The following TFAP2C variants were observed in gnomAD, a reference collection of about 807,000 sequenced individuals.
TFAP2C encodes the protein activating enhancer-binding protein 2 gamma.
A neutral mutation model predicts 42.9 loss-of-function variants in TFAP2C; 9 were observed. That is an observed-to-expected ratio of 0.21 (90% CI 0.13 to 0.37). The LOEUF is 0.37. TFAP2C is among the 10% of genes least tolerant of loss of function. The probability of loss-of-function intolerance (pLI) is 1.00; values close to 1 mark genes in which losing one functional copy is unlikely to be tolerated. For synonymous variants in TFAP2C, 264 were observed against 256.0 expected (o/e 1.03, Z -0.30); for missense variants, 462 against 591.7 (o/e 0.78, Z 2.27).
rs767008912 is a variant in TFAP2C at position 56,631,217 on chromosome 20, G to T, written c.61G>T (p.Gly21Trp). 1 of 1,530,870 alleles carries T rather than the reference G, an allele frequency of 6.5e-7. No homozygotes were observed. Among genetic ancestry groups the T allele is most frequent in the Non-Finnish European group, 8.8e-7 (1 of 1,140,550 alleles). 94.8% of individuals were successfully genotyped at this position (1,530,870 alleles called of 1,614,324 possible). A position where few individuals can be genotyped will look rare whatever the true frequency, so the allele number is the denominator to read the frequency against. The change falls in exon 2 of 7, where the codon GGG becomes TGG. Residue 21 changes from glycine to tryptophan, a missense_variant. Around this residue, in one of 5 missense-constraint regions of TFAP2C, gnomAD observed 271 missense variants for 269.7 expected, o/e 1.00. Transcript: ENST00000201031. The surrounding 1 kb of genome is among the most constrained non-coding windows in gnomAD (Gnocchi z 6.1). The part of the protein sequence containing the change: ...YEEDCEDRHD[G>W]SSNGNPRVPH... ...TTTTTCCCTCCAGGATCGCCACGACGGGAGCAGCAATGGGAATCCGCGGGT... is the reference window on the plus strand; with the variant it reads ...TTTTTCCCTCCAGGATCGCCACGACTGGAGCAGCAATGGGAATCCGCGGGT...
At position 56,631,251 on chromosome 20, in the gene TFAP2C, TCTC is replaced by T. The variant is rs1432841059; in HGVS notation, c.100_102del (p.Ser34del). On this transcript the variant is annotated inframe_deletion, in exon 2 of 7. Transcript: ENST00000201031. This position sits in a 1 kb window ranked among gnomAD's most constrained non-coding sequence, Gnocchi z 6.1. ...AATGGGAATCCGCGGGTCCCCCACC[TCTC>T]CTCCGCCGGGCAGCACCTCTACAGC... 1.3e-5 allele frequency: 21 copies of T among 1,572,996 alleles called. No individual in the cohort carries two copies. The highest frequency in any genetic ancestry group is 1.5e-5 in the Non-Finnish European group (18 of 1,161,844).
rs1219944328 is a variant in TFAP2C, at chr20:56,629,334, C to G, written c.-211C>G. 3 of 404,960 alleles carry G rather than the reference C, an allele frequency of 7.4e-6. No homozygotes were observed. Among genetic ancestry groups the G allele is most frequent in the African/African-American group, 6.2e-5 (3 of 48,644 alleles). The allele number at this position is 404,960 out of a possible 1,614,324, so 25.1% of individuals were successfully genotyped here. ...ACACACTGTTCGGGCGCGGCTTTCCCCGTCCGCGGAGCGGTCTTGACACTC... is the reference window on the plus strand; with the variant it reads ...ACACACTGTTCGGGCGCGGCTTTCCGCGTCCGCGGAGCGGTCTTGACACTC... On this transcript the variant is annotated 5_prime_UTR_variant, in exon 1 of 7. Transcript: ENST00000201031. The surrounding 1 kb of genome is among the most constrained non-coding windows in gnomAD (Gnocchi z 5.9).
chr20:56,631,626 A>G lies in TFAP2C; in HGVS notation c.470A>G (p.Asp157Gly). 1 of 1,576,008 alleles carries G rather than the reference A, an allele frequency of 6.3e-7. No individual in the cohort carries two copies. The highest frequency in any genetic ancestry group is 8.6e-7 in the Non-Finnish European group (1 of 1,167,748). ...DLLLPHAHAL[D>G]AAGLAENLGL... is the part of the protein sequence containing the mutation. The stretch of plus-strand genomic sequence containing the variant: ...CTGCTGCCCCACGCACACGCCCTGG[A>G]TGCCGCGGGCCTGGCCGAGAACCTG... The change falls in exon 2 of 7, where the codon GAT (aspartate) becomes GGT (glycine). Residue 157 changes from aspartate to glycine, a missense_variant. Transcript: ENST00000201031. The surrounding 1 kb of genome is among the most constrained non-coding windows in gnomAD (Gnocchi z 6.1).
chr20:56,634,145 C>T lies in TFAP2C; in HGVS notation c.804-5C>T, dbSNP rs748530593. The T allele has an allele frequency of 6.2e-7, 1 of 1,606,262 alleles. No homozygotes were observed. Among genetic ancestry groups the T allele is most frequent in the South Asian group, 1.1e-5 (1 of 90,736 alleles). On this transcript the variant is annotated splice_polypyrimidine_tract_variant and splice_region_variant and intron_variant, in intron 4 of 6. Coordinates refer to ENST00000201031, the MANE Select transcript of TFAP2C (RefSeq NM_003222.4). ...GTAGCCAGAGTCAATTTTTCTTTTTCTTAGAGCCAAATCGAAAAATGGAGG... is the reference window on the plus strand; with the variant it reads ...GTAGCCAGAGTCAATTTTTCTTTTTTTTAGAGCCAAATCGAAAAATGGAGG...
chr20:56,629,693 C>T lies in TFAP2C; in HGVS notation c.48+101C>T, dbSNP rs1266820214. 3 of 920,892 alleles carry T rather than the reference C, an allele frequency of 3.3e-6. No homozygotes were observed. Among genetic ancestry groups the T allele is most frequent in the Non-Finnish European group, 4.4e-6 (3 of 674,886 alleles). The allele number at this position is 920,892 out of a possible 1,614,324, so 57.0% of individuals were successfully genotyped here. A position where few individuals can be genotyped will look rare whatever the true frequency, so the allele number is the denominator to read the frequency against. ...GGGGACGAGGGCATAGGAGCCCTGG[C>T]CTCTCGGTGGGACGGGATCCACTTC... On this transcript the variant is annotated intron_variant, in intron 1 of 6. Coordinates refer to ENST00000201031, the MANE Select transcript of TFAP2C (RefSeq NM_003222.4). The surrounding 1 kb of genome is among the most constrained non-coding windows in gnomAD (Gnocchi z 5.9).
rs947977699 is a variant in TFAP2C, at chr20:56,629,346, C to T, written c.-199C>T. The T allele has an allele frequency of 1.7e-5, 7 of 411,480 alleles. No homozygotes were observed. The highest frequency in any genetic ancestry group is 1.2e-4 in the African/African-American group (6 of 48,800). The allele number at this position is 411,480 out of a possible 1,614,324, so 25.5% of individuals were successfully genotyped here. On this transcript the variant is annotated 5_prime_UTR_variant, in exon 1 of 7. Coordinates refer to ENST00000201031, the MANE Select transcript of TFAP2C (RefSeq NM_003222.4). The surrounding 1 kb of genome is among the most constrained non-coding windows in gnomAD (Gnocchi z 5.9). Reference sequence around the variant, plus strand: ...GGCGCGGCTTTCCCCGTCCGCGGAGCGGTCTTGACACTCGCGGCGGCAGCA... The same window carrying T: ...GGCGCGGCTTTCCCCGTCCGCGGAGTGGTCTTGACACTCGCGGCGGCAGCA...
chr20:56,632,054 C>T (rs1987503581), intron 3 of TFAP2C, among the ~76,000 whole-genome samples, 198 bp downstream of exon 3: 1 of 152,218 alleles, frequency 6.6e-6, no homozygotes, highest in Non-Finnish European at 1.5e-5. Context: ...CTCTTCATCT[C>T]CGGAGTTGTT....
chr20:56,631,411 C>A lies in TFAP2C; in HGVS notation c.255C>A (p.Ala85=), dbSNP rs375808345. The change falls in exon 2 of 7, where the codon GCC becomes GCA. Residue 85 remains alanine, a synonymous_variant. Coordinates refer to ENST00000201031, the MANE Select transcript of TFAP2C (RefSeq NM_003222.4). This position sits in a 1 kb window ranked among gnomAD's most constrained non-coding sequence, Gnocchi z 6.1. ...CGCATCTGGGGGAAGCGTACGCCGC[C>A]GCCATCAACCCCCTGCACCAGCCGG... ...PYSHLGEAYA[A]AINPLHQPAP... 2.5e-6 allele frequency: 4 copies of A among 1,604,244 alleles called. No individual in the cohort carries two copies. The African/African-American group carries it at 4.0e-5, about 16-fold the overall frequency.
chr20:56,634,195 C>G lies in TFAP2C; in HGVS notation c.849C>G (p.Asp283Glu). The change falls in exon 5 of 7, where the codon GAC becomes GAG. Residue 283 changes from aspartate to glutamate, a missense_variant. By Grantham distance (45) the Asp-to-Glu change is conservative. Coordinates refer to ENST00000201031, the MANE Select transcript of TFAP2C (RefSeq NM_003222.4). Reference sequence around the variant, plus strand: ...GCCGGTCCTTGCGGGAGAAGTTGGACAAGATTGGGTTGAATCTTCCGGCCG... The same window carrying G: ...GCCGGTCCTTGCGGGAGAAGTTGGAGAAGATTGGGTTGAATCTTCCGGCCG... ...NGGRSLREKLDKIGLNLPAGR... is the reference protein window; with the variant it reads ...NGGRSLREKLEKIGLNLPAGR... 1 of 1,614,138 alleles carries G rather than the reference C, an allele frequency of 6.2e-7. No homozygotes were observed. Among genetic ancestry groups the G allele is most frequent in the Non-Finnish European group, 8.5e-7 (1 of 1,180,030 alleles).
intron 6 of TFAP2C, 52 bp from the exon 7 acceptor site, chr20:56,637,676 G>GA: frequency 6.3e-7 from 1 of 1,587,798 alleles, no homozygotes; most frequent in South Asian, 1.1e-5. Flanking sequence ...CTGTGCTCTT[G>GA]ACCTGTAAGG....
chr20:56,636,814 G>C, intron 6 of TFAP2C, 60 bp downstream of exon 6: 1 of 1,548,348 alleles, frequency 6.5e-7, no homozygotes, highest in Non-Finnish European at 8.7e-7. Flanking sequence ...AGGTTGAGAA[G>C]ATTCCCCCTC....
rs1476231336 is a variant in TFAP2C at position 56,634,223 on chromosome 20, A to G, written c.877A>G (p.Arg293Gly). 1 of 1,614,192 alleles carries G rather than the reference A, an allele frequency of 6.2e-7. No homozygotes were observed. Among genetic ancestry groups the G allele is most frequent in the Non-Finnish European group, 8.5e-7 (1 of 1,180,030 alleles). ...GATTGGGTTGAATCTTCCGGCCGGGAGGCGGAAAGCCGCTCATGTGACTCT... is the reference window on the plus strand; with the variant it reads ...GATTGGGTTGAATCTTCCGGCCGGGGGGCGGAAAGCCGCTCATGTGACTCT... ...DKIGLNLPAG[R>G]RKAAHVTLLT... The change falls in exon 5 of 7, where the codon AGG becomes GGG. Residue 293 changes from arginine (R) to glycine (G), a missense_variant. Transcript: ENST00000201031.
Position 56,638,938 on chromosome 20 carries a change from CTTT to C in TFAP2C, c.*929_*931del, listed in dbSNP as rs982539336. The C allele has an allele frequency of 2.0e-5, 3 of 152,468 alleles. No homozygotes were observed. The highest frequency in any genetic ancestry group is 2.9e-5 in the Non-Finnish European group (2 of 68,014). The allele number at this position is 152,468 out of a possible 1,614,324, so 9.4% of individuals were successfully genotyped here. On this transcript the variant is annotated 3_prime_UTR_variant, in exon 7 of 7. Coordinates refer to ENST00000201031, the MANE Select transcript of TFAP2C (RefSeq NM_003222.4). ...GTAAATACTGGTGCACTTCTTACGA[CTTT>C]TTTGAGACATGGGATCCAATTTTAA... is the stretch of plus-strand genomic sequence containing the variant.
intron 5 of TFAP2C, among the ~76,000 whole-genome samples, chr20:56,635,183 G>A (rs1987561431): frequency 6.6e-6 from 1 of 152,202 alleles, no homozygotes; most frequent in African/African-American, 2.4e-5. Context: ...GTCAGGGCAA[G>A]GAGAAAGGAG....
intron 4 of TFAP2C, among the ~76,000 whole-genome samples, 167 bp downstream of exon 4, chr20:56,633,736 G>C (rs1170126008): frequency 6.6e-6 from 1 of 152,178 alleles, no homozygotes; most frequent in African/African-American, 2.4e-5. Flanking sequence ...CCAAATGTGG[G>C]AGGAAGTGCT....
At position 56,630,611 on chromosome 20, in the gene TFAP2C, C is replaced by T. The variant is rs1426087707; in HGVS notation, c.49-594C>T. ...GAGGGCCGCCCTGTGCGCGCGCTCC[C>T]TCTTCACTTCCCAGGGCGGCGCAGG... On this transcript the variant is annotated intron_variant, in intron 1 of 6. Transcript: ENST00000201031. The surrounding 1 kb of genome is among the most constrained non-coding windows in gnomAD (Gnocchi z 5.1). The T allele has an allele frequency of 1.7e-4, 150 of 890,906 alleles. 1 individual carries two copies. Among genetic ancestry groups the T allele is most frequent in the Admixed American group, 6.2e-5 (1 of 16,142 alleles). 55.2% of individuals were successfully genotyped at this position (890,906 alleles called of 1,614,324 possible).
chr20:56,630,327 G>T lies in TFAP2C; in HGVS notation c.48+735G>T. 2.3e-6 allele frequency: 1 copy of T among 434,158 alleles called. No homozygotes were observed. 26.9% of individuals were successfully genotyped at this position (434,158 alleles called of 1,614,324 possible). On this transcript the variant is annotated intron_variant, in intron 1 of 6. Transcript: ENST00000201031. The surrounding 1 kb of genome is among the most constrained non-coding windows in gnomAD (Gnocchi z 5.1). ...CCCTGGAGGGCTGCCCCTGCCCGCA[G>T]GCCCGGGCGCTTCCGCCAGGAGGCG...
At position 56,636,707 on chromosome 20, in the gene TFAP2C, A is replaced by T; in HGVS notation, c.1020A>T (p.Gly340=). ...AATATTTAACCAGACCTCATCTTGG[A>T]GGACGAAATGAGATGGCAGCTAGGA... ...VAEYLTRPHL[G]GRNEMAARKN... is the part of the protein sequence containing the mutation. The change falls in exon 6 of 7, where the codon GGA becomes GGT. Residue 340 remains glycine (G), a synonymous_variant. Coordinates refer to ENST00000201031, the MANE Select transcript of TFAP2C (RefSeq NM_003222.4). The T allele has an allele frequency of 6.2e-7, 1 of 1,613,874 alleles. No homozygotes were observed. The highest frequency in any genetic ancestry group is 8.5e-7 in the Non-Finnish European group (1 of 1,179,988).
At position 56,637,872 on chromosome 20, in the gene TFAP2C, C is replaced by G. The variant is rs754990815; in HGVS notation, c.1212C>G (p.Ala404=). 1.2e-6 allele frequency: 2 copies of G among 1,604,066 alleles called. No homozygotes were observed. The highest frequency in any genetic ancestry group is 1.1e-5 in the South Asian group (1 of 90,892). ...TTACCCACGGGTTTGGCAGCCAGGC[C>G]ATCTGTGCCGCGGTGTCTGCCCTGC... ...SLITHGFGSQ[A]ICAAVSALQN... is the part of the protein sequence containing the mutation. The change falls in exon 7 of 7, where the codon GCC becomes GCG. Residue 404 remains alanine, a synonymous_variant. Transcript: ENST00000201031.
Sources: allele counts gnomAD v4.1 joint callset (sites outside exome capture counted in the v4.1 genomes callset), GRCh38; gene constraint gnomAD v4.1.1; regional missense constraint gnomAD v4.1.1; non-coding constraint Gnocchi (gnomAD v3.1); transcripts MANE v1.5; gene names NCBI Gene and HGNC (gene_info 2026-07-23, HGNC 2026-07-21).